ARHGAP10: variants seen among roughly 807,000 people sequenced by gnomAD.
ARHGAP10 encodes the protein rho GTPase-activating protein 10.
ARHGAP10 carries 87 observed loss-of-function variants against 108.6 expected under a neutral mutation model. That is an observed-to-expected ratio of 0.80 (90% CI 0.67 to 0.96). The LOEUF is 0.96. Ranked by LOEUF, ARHGAP10 falls within the 40% of genes least tolerant of loss-of-function variation. The probability of loss-of-function intolerance (pLI) is 0.00; values close to 1 mark genes in which losing one functional copy is unlikely to be tolerated. For missense variants in ARHGAP10, 939 were observed against 954.5 expected, an observed-to-expected ratio of 0.98 and a Z score of 0.21; for synonymous variants, 347 against 341.1, an observed-to-expected ratio of 1.02 and a Z score of -0.19.
intron 4 of ARHGAP10, among the ~76,000 whole-genome samples, chr4:147,850,895 AC>A (rs1733854012): frequency 6.6e-6 from 1 of 152,230 alleles, no homozygotes. Context: ...AGCTACAGGA[AC>A]CAGTACAGAT....
At chr4:148,032,082 T>C (rs957892594) in intron 19 of ARHGAP10, among the ~76,000 whole-genome samples, 2 of 152,140 alleles carry the variant, frequency 1.3e-5, no homozygotes, top group African/African-American at 2.4e-5. Context: ...GCTTTTCTGT[T>C]TTCTCCTCCC....
In ARHGAP10 at chr4:147,906,532, A is replaced by G. The variant is rs1007672306; in HGVS notation, c.1035-106A>G. 9 of 999,126 alleles carry G rather than the reference A, an allele frequency of 9.0e-6. No individual in the cohort carries two copies. The African/African-American group carries it at 1.2e-4, about 13-fold the overall frequency. 61.9% of individuals were successfully genotyped at this position (999,126 alleles called of 1,614,324 possible). A position where few individuals can be genotyped will look rare whatever the true frequency, so the allele number is the denominator to read the frequency against. On this transcript the variant is annotated intron_variant, in intron 10 of 22. Coordinates refer to ENST00000336498, the MANE Select transcript of ARHGAP10 (RefSeq NM_024605.4). The stretch of plus-strand genomic sequence containing the variant: ...ATAAATTTTAGGTTACATGTATTTT[A>G]CCACAGATAAAAGTAAAAAAAAAAT...
At chr4:147,784,681 A>AATATATATTATAAATATAATATAT (rs1560756530) in intron 1 of ARHGAP10, among the ~76,000 whole-genome samples, 3 of 94,062 alleles carry the variant, frequency 3.2e-5, no homozygotes, top group African/African-American at 1.3e-4. Context: ...TATATTATAA[A>AATATATATTATAAATATAATATAT]TATAAAATAT....
intron 1 of ARHGAP10, among the ~76,000 whole-genome samples, chr4:147,818,997 G>A (rs943526648): frequency 1.3e-5 from 2 of 152,152 alleles, no homozygotes; most frequent in Non-Finnish European, 2.9e-5. Flanking sequence ...ATGAAGAAAT[G>A]ATATAACTAT....
At chr4:147,967,039 C>A (rs1364373783) in intron 18 of ARHGAP10, among the ~76,000 whole-genome samples, 200 bp downstream of exon 18, 2 of 152,138 alleles carry the variant, frequency 1.3e-5, no homozygotes, top group Non-Finnish European at 2.9e-5. Context: ...TTTATCTGGT[C>A]TTTTGTTATC....
At chr4:147,938,597 A>G (rs1488414573) in intron 13 of ARHGAP10, among the ~76,000 whole-genome samples, 1 of 152,218 alleles carries the variant, frequency 6.6e-6, no homozygotes, top group Non-Finnish European at 1.5e-5. Context: ...TCTCTTCCTC[A>G]TGAGTGACTG....
intron 8 of ARHGAP10, among the ~76,000 whole-genome samples, chr4:147,878,299 G>A (rs962934136): frequency 2.6e-5 from 4 of 152,142 alleles, no homozygotes; most frequent in Non-Finnish European, 2.9e-5. Flanking sequence ...GTTTCACAAC[G>A]TTGGCCAGGA....
intron 16 of ARHGAP10, among the ~76,000 whole-genome samples, chr4:147,959,249 T>C (rs1356310072): frequency 6.6e-6 from 1 of 152,144 alleles, no homozygotes; most frequent in Non-Finnish European, 1.5e-5. Context: ...TTTTTTGTTT[T>C]TGAAGAAGAG....
At chr4:147,946,759 A>T in intron 15 of ARHGAP10, 55 bp downstream of exon 15, 3 of 1,324,752 alleles carry the variant, frequency 2.3e-6, no homozygotes, top group African/African-American at 1.5e-5. Flanking sequence ...TCTGTAACAT[A>T]AAACAGATGC....
At chr4:147,868,828 G>A (rs776763307) in intron 7 of ARHGAP10, among the ~76,000 whole-genome samples, 4 of 152,112 alleles carry the variant, frequency 2.6e-5, no homozygotes, top group Non-Finnish European at 5.9e-5. Flanking sequence ...ATGCCACCGC[G>A]GATCTGACAG....
chr4:148,029,943 A>G (rs1256445395), intron 19 of ARHGAP10, among the ~76,000 whole-genome samples: 1 of 152,002 alleles, frequency 6.6e-6, no homozygotes, highest in East Asian at 1.9e-4. Flanking sequence ...ATTATGTGGG[A>G]TGCCTCCCCT....
intron 18 of ARHGAP10, among the ~76,000 whole-genome samples, chr4:147,987,041 T>C (rs1740071763): frequency 6.6e-6 from 1 of 152,240 alleles, no homozygotes; most frequent in African/African-American, 2.4e-5. Context: ...CGGATTGAAC[T>C]GAATCACTGA....
chr4:147,751,800 G>A (rs1304102492), intron 1 of ARHGAP10, among the ~76,000 whole-genome samples: 2 of 151,702 alleles, frequency 1.3e-5, no homozygotes, highest in African/African-American at 4.8e-5. Flanking sequence ...AAGAACGTGG[G>A]TTTAGAGAGG....
chr4:147,782,904 ATATATAATATATAAAT>A (rs1318018643), intron 1 of ARHGAP10, among the ~76,000 whole-genome samples: 21 of 142,436 alleles, frequency 1.5e-4, no homozygotes, highest in African/African-American at 4.1e-4. Context: ...ATTACGTATT[ATATATAATATATAAAT>A]TATATAATAT....
At chr4:147,928,908 G>T (rs955769141) in intron 13 of ARHGAP10, among the ~76,000 whole-genome samples, 1 of 152,186 alleles carries the variant, frequency 6.6e-6, no homozygotes, top group Non-Finnish European at 1.5e-5. Context: ...AATGTTCACA[G>T]CAACCCAGTT....
At chr4:147,775,130 G>A (rs1730232645) in intron 1 of ARHGAP10, among the ~76,000 whole-genome samples, 1 of 152,050 alleles carries the variant, frequency 6.6e-6, no homozygotes, top group Non-Finnish European at 1.5e-5. Context: ...GGCCAGGCTG[G>A]TCTTGAACTC....
intron 10 of ARHGAP10, among the ~76,000 whole-genome samples, chr4:147,899,478 T>A (rs937702596): frequency 2.0e-5 from 3 of 152,150 alleles, no homozygotes; most frequent in Non-Finnish European, 2.9e-5. Flanking sequence ...TCATAGGTTC[T>A]CCGTCTTGTT....
chr4:147,924,970 TA>T (rs1203066394), intron 13 of ARHGAP10, among the ~76,000 whole-genome samples: 1 of 144,354 alleles, frequency 6.9e-6, no homozygotes, highest in Non-Finnish European at 1.5e-5. Context: ...AAGAACTTTC[TA>T]TTTTTTTTTT....
intron 18 of ARHGAP10, among the ~76,000 whole-genome samples, chr4:148,008,119 T>C (rs1408466506): frequency 2.0e-5 from 3 of 152,162 alleles, no homozygotes; most frequent in African/African-American, 7.2e-5. Context: ...TTTGCATTGC[T>C]CCTCCTGAGG....
Sources: allele counts gnomAD v4.1 joint callset (sites outside exome capture counted in the v4.1 genomes callset), GRCh38; gene constraint gnomAD v4.1.1; transcripts MANE v1.5; gene names NCBI Gene and HGNC (gene_info 2026-07-23, HGNC 2026-07-21).